The following LTBP3 variants were observed in gnomAD, a reference collection of about 807,000 sequenced individuals.
LTBP3 encodes latent-transforming growth factor beta-binding protein 3.
In LTBP3, 97 loss-of-function variants were observed where a neutral mutation model predicts 159.7. The observed-to-expected ratio is 0.61, with a 90% CI of 0.52 to 0.72. LTBP3 has a LOEUF of 0.72. LTBP3 is among the 30% of genes least tolerant of loss of function. LTBP3 has a pLI of 0.00. For missense variants in LTBP3, 1,584 were observed against 1,864.3 expected (o/e 0.85, Z 2.77); for synonymous variants, 824 against 777.1 (o/e 1.06, Z -1.00).
Position 65,551,539 on chromosome 11 carries a change from C to T in LTBP3, c.1548+9G>A, listed in dbSNP as rs200530421. 6.2e-6 allele frequency: 10 copies of T among 1,614,054 alleles called. No individual in the cohort carries two copies. Among genetic ancestry groups the T allele is most frequent in the Admixed American group, 3.3e-5 (2 of 60,012 alleles). ...TGCCCACCCCTCCCATCTGGGTTCTCATACTCACTGAGTCCGTGGTCACCC... is the reference window on the plus strand; with the variant it reads ...TGCCCACCCCTCCCATCTGGGTTCTTATACTCACTGAGTCCGTGGTCACCC... On this transcript the variant is annotated intron_variant, in intron 9 of 27. Transcript: ENST00000301873.
chr11:65,543,721 G>A (rs1856253182), intron 16 of LTBP3, 172 bp from the exon 17 acceptor site: 1 of 794,402 alleles, frequency 1.3e-6, no homozygotes, highest in African/African-American at 1.7e-5. Flanking sequence ...GACCAGGTCA[G>A]GTGCTGCCAG....
At position 65,557,936 on chromosome 11, in the gene LTBP3, A is replaced by G; in HGVS notation, c.24T>C (p.Ala8=). MPGPRGA[A]GGLAPEMRGA... is the part of the protein sequence containing the mutation. The stretch of plus-strand genomic sequence containing the variant: ...CGCGCATCTCAGGGGCCAGGCCGCC[A>G]GCAGCCCCTCGGGGCCCGGGCATCC... The change falls in exon 1 of 28, where the codon GCT becomes GCC. Residue 8 remains alanine, a synonymous_variant. Transcript: ENST00000301873. 8.3e-7 allele frequency: 1 copy of G among 1,209,474 alleles called. No individual in the cohort carries two copies. The highest frequency in any genetic ancestry group is 2.7e-5 in the South Asian group (1 of 36,578). The allele number at this position is 1,209,474 out of a possible 1,614,324, so 74.9% of individuals were successfully genotyped here.
At chr11:65,541,323 GCA>G (rs774592668) in intron 19 of LTBP3, 30 bp from the exon 20 acceptor site, 228 of 1,604,394 alleles carry the variant, frequency 1.4e-4, no homozygotes, top group African/African-American at 4.0e-5. Flanking sequence ...TCAGGGTTGT[GCA>G]CAGACCCCCC....
At position 65,552,272 on chromosome 11, in the gene LTBP3, G is replaced by C. The variant is rs1856639529; in HGVS notation, c.1321C>G (p.Gln441Glu). The stretch of plus-strand genomic sequence containing the variant: ...CCGGTGCCATCTGTTGGGCAGCGCT[G>C]ACACCGCGCGCCCCAGGCCTTGCCG... ...SVGKAWGARC[Q>E]RCPTDGTAAF... Residue 441 changes from glutamine to glutamate, a missense_variant, in exon 7 of 28, where the codon CAG becomes GAG. Coordinates refer to ENST00000301873, the MANE Select transcript of LTBP3 (RefSeq NM_001130144.3). This position sits in a 1 kb window ranked among gnomAD's most constrained non-coding sequence, Gnocchi z 6.0. 1 of 1,614,154 alleles carries C rather than the reference G, an allele frequency of 6.2e-7. No individual in the cohort carries two copies. The highest frequency in any genetic ancestry group is 8.5e-7 in the Non-Finnish European group (1 of 1,180,008).
intron 18 of LTBP3, 127 bp downstream of exon 18, chr11:65,542,978 A>G (rs1337511816): frequency 8.6e-7 from 1 of 1,163,504 alleles, no homozygotes; most frequent in Non-Finnish European, 1.3e-6. Context: ...GGATGGATAG[A>G]TGGATGGATG....
At chr11:65,548,436 C>T (rs1856473286) in intron 11 of LTBP3, 1 of 441,220 alleles carries the variant, frequency 2.3e-6, no homozygotes, top group Non-Finnish European at 4.2e-6. Context: ...TCTATAGCCT[C>T]GGTCACACCA....
chr11:65,553,732 C>A lies in LTBP3; in HGVS notation c.833G>T (p.Arg278Leu). Residue 278 changes from arginine to leucine, a missense_variant, in exon 3 of 28, where the codon CGC (arginine) becomes CTC (leucine). Physicochemically the swap from Arg to Leu is moderately radical, Grantham distance 102 (BLOSUM62 -2). This residue lies in a region of LTBP3 where 194 missense variants were observed against 198.7 expected (regional missense o/e 0.98). Transcript: ENST00000301873. This position sits in a 1 kb window ranked among gnomAD's most constrained non-coding sequence, Gnocchi z 6.5. ...CTTGGGCAGAGTGTCCTGAAAGCAG[C>A]GGCCCAGGGGCTTCTGGGTGGGCGG... ...PRPPTQKPLG[R>L]CFQDTLPKQP... 1 of 1,579,102 alleles carries A rather than the reference C, an allele frequency of 6.3e-7. No individual in the cohort carries two copies. The highest frequency in any genetic ancestry group is 8.5e-7 in the Non-Finnish European group (1 of 1,170,394).
At chr11:65,550,512 G>A (rs1299669201) in intron 11 of LTBP3, among the ~76,000 whole-genome samples, 1 of 152,062 alleles carries the variant, frequency 6.6e-6, no homozygotes, top group East Asian at 1.9e-4. Context: ...ATGATAGAAG[G>A]CTTTCTGAAC....
chr11:65,554,631 C>T lies in LTBP3; in HGVS notation c.332-251G>A, dbSNP rs1482936261. On this transcript the variant is annotated intron_variant, in intron 1 of 27. Coordinates refer to ENST00000301873, the MANE Select transcript of LTBP3 (RefSeq NM_001130144.3). This position sits in a 1 kb window ranked among gnomAD's most constrained non-coding sequence, Gnocchi z 5.3. ...TGCGACCCTGAGCAACTCACGTCCC[C>T]TCCCTGTGCCCCAGCGTCCTCATCT... is the stretch of plus-strand genomic sequence containing the variant. Among the ~76,000 whole-genome samples, 3 of 152,120 alleles carry T rather than the reference C, an allele frequency of 2.0e-5. No individual in the cohort carries two copies. Among genetic ancestry groups the T allele is most frequent in the African/African-American group, 7.2e-5 (3 of 41,402 alleles).
At position 65,551,428 on chromosome 11, in the gene LTBP3, G is replaced by A; in HGVS notation, c.1595C>T (p.Thr532Ile). The change falls in exon 10 of 28, where the codon ACC becomes ATC. Residue 532 changes from threonine to isoleucine, a missense_variant. This residue lies in a region of LTBP3 where 565 missense variants were observed against 677.7 expected (regional missense o/e 0.83). Transcript: ENST00000301873. ...RSVQQSHPTA[T>I]TTPARPYPEL... is the part of the protein sequence containing the mutation. ...GGGGTAGGGCCGGGCAGGAGTCGTG[G>A]TGGCAGTTGGGTGGCTCTGCTGCAC... The A allele has an allele frequency of 1.2e-6, 2 of 1,613,826 alleles. No homozygotes were observed. The highest frequency in any genetic ancestry group is 1.7e-6 in the Non-Finnish European group (2 of 1,180,000).
chr11:65,542,715 T>C (rs1187541140), intron 18 of LTBP3: 7 of 307,868 alleles, frequency 2.3e-5, no homozygotes, highest in Non-Finnish European at 4.4e-5. Flanking sequence ...TAAACTTTTG[T>C]TGGATGAATG....
At chr11:65,551,747 T>C in intron 8 of LTBP3, 183 bp from the exon 9 acceptor site, 8 of 888,678 alleles carry the variant, frequency 9.0e-6, no homozygotes, top group Non-Finnish European at 1.5e-5. Flanking sequence ...CATGATCAGG[T>C]TGAATGGCCT....
chr11:65,539,663 TC>T, intron 25 of LTBP3, 35 bp from the exon 26 acceptor site: 2 of 1,583,880 alleles, frequency 1.3e-6, no homozygotes, highest in African/African-American at 1.3e-5. Context: ...GACGTCCGGG[TC>T]CCCGGGCCCT....
Position 65,554,362 on chromosome 11 carries a change from C to A in LTBP3, c.350G>T (p.Cys117Phe). 6.2e-7 allele frequency: 1 copy of A among 1,612,036 alleles called. No homozygotes were observed. The highest frequency in any genetic ancestry group is 8.5e-7 in the Non-Finnish European group (1 of 1,179,674). The change falls in exon 2 of 28, where the codon TGC becomes TTC. Residue 117 changes from cysteine (C) to phenylalanine (F), a missense_variant. This residue lies in a region of LTBP3 where 76 missense variants were observed against 133.3 expected (regional missense o/e 0.57). Transcript: ENST00000301873. The surrounding 1 kb of genome is among the most constrained non-coding windows in gnomAD (Gnocchi z 5.3). Reference protein sequence around the residue: ...GFRVVVCPLPCMNGGQCSSRN... With the variant: ...GFRVVVCPLPFMNGGQCSSRN... Reference sequence around the variant, plus strand: ...CGAGGAGCACTGGCCGCCATTCATGCAGGGGAGAGGGCACACCACTGGGGA... The same window carrying A: ...CGAGGAGCACTGGCCGCCATTCATGAAGGGGAGAGGGCACACCACTGGGGA...
At position 65,547,476 on chromosome 11, in the gene LTBP3, G is replaced by A. The variant is rs1856423650; in HGVS notation, c.2070C>T (p.Gly690=). ...GAGGCCGGGAGGCTTTGAGCCGGTAGCCGGGGTAGCAGTTGCACTTGTAGT... is the reference window on the plus strand; with the variant it reads ...GAGGCCGGGAGGCTTTGAGCCGGTAACCGGGGTAGCAGTTGCACTTGTAGT... ...PGHYKCNCYP[G]YRLKASRPPV... is the part of the protein sequence containing the mutation. The change falls in exon 14 of 28, where the codon GGC becomes GGT. Residue 690 remains glycine, a synonymous_variant. Transcript: ENST00000301873. The surrounding 1 kb of genome is among the most constrained non-coding windows in gnomAD (Gnocchi z 4.6). 1 of 1,614,132 alleles carries A rather than the reference G, an allele frequency of 6.2e-7. No individual in the cohort carries two copies. Among genetic ancestry groups the A allele is most frequent in the Non-Finnish European group, 8.5e-7 (1 of 1,180,018 alleles).
rs1856350289 is a variant in LTBP3, at chr11:65,546,012, T to C, written c.2353+430A>G. 1.3e-5 allele frequency among the ~76,000 whole-genome samples: 2 copies of C among 152,146 alleles called. No individual in the cohort carries two copies. ...ATTCTTTAAGATGACCCAGGCCTCC[T>C]TCCTCCCATCCCGCTGTGTCTCCAG... On this transcript the variant is annotated intron_variant, in intron 16 of 27. Coordinates refer to ENST00000301873, the MANE Select transcript of LTBP3 (RefSeq NM_001130144.3). This position sits in a 1 kb window ranked among gnomAD's most constrained non-coding sequence, Gnocchi z 4.0.
intron 16 of LTBP3, 156 bp from the exon 17 acceptor site, chr11:65,543,705 CCTGACG>C: frequency 1.0e-6 from 1 of 964,072 alleles, no homozygotes; most frequent in Non-Finnish European, 1.6e-6. Context: ...CACACAGTGC[CCTGACG>C]ACCAGGTCAG....
chr11:65,553,168 G>A lies in LTBP3; in HGVS notation c.1059C>T (p.Cys353=). The A allele has an allele frequency of 6.2e-7, 1 of 1,614,006 alleles. No individual in the cohort carries two copies. Among genetic ancestry groups the A allele is most frequent in the Non-Finnish European group, 8.5e-7 (1 of 1,179,926 alleles). Residue 353 remains cysteine (C), a synonymous_variant, in exon 5 of 28, where the codon TGC becomes TGT. Transcript: ENST00000301873. This position sits in a 1 kb window ranked among gnomAD's most constrained non-coding sequence, Gnocchi z 6.5. ...GAATCTCCTAGCTGGCCATACCCTG[G>A]CAGTGGGTGCTGTTAAGCCTCTTGT... The part of the protein sequence containing the change: ...QGYKRLNSTH[C]QDINECAMPG...
chr11:65,546,726 C>CCCCCCCCCCCGGG lies in LTBP3; in HGVS notation c.2230+71_2230+72insCCCGGGGGGGGGG. On this transcript the variant is annotated intron_variant, in intron 15 of 27. Coordinates refer to ENST00000301873, the MANE Select transcript of LTBP3 (RefSeq NM_001130144.3). This position sits in a 1 kb window ranked among gnomAD's most constrained non-coding sequence, Gnocchi z 4.0. ...GCCAATCACCACCGCTACCCCGCCC[C>CCCCCCCCCCCGGG]GCCCCCAGCGGAGCCAGACTGGGGG... 2.3e-5 allele frequency: 35 copies of CCCCCCCCCCCGGG among 1,520,264 alleles called. No individual in the cohort carries two copies. The highest frequency in any genetic ancestry group is 2.8e-5 in the Non-Finnish European group (31 of 1,126,376). The allele number at this position is 1,520,264 out of a possible 1,614,324, so 94.2% of individuals were successfully genotyped here.
Sources: gnomAD v4.1 joint callset for allele counts (sites outside exome capture counted in the v4.1 genomes callset) on GRCh38, gnomAD v4.1.1 for gene constraint, gnomAD v4.1.1 regional missense constraint, Gnocchi (gnomAD v3.1) non-coding constraint, MANE v1.5 for transcripts, NCBI Gene and HGNC (gene_info 2026-07-23, HGNC 2026-07-21) for gene names.